The following SMOC2 variants were observed in gnomAD, a reference collection of about 807,000 sequenced individuals.
The protein encoded by SMOC2 is SPARC-related modular calcium-binding protein 2.
Under a neutral mutation model 61.4 loss-of-function variants are expected in SMOC2, and 39 were observed. That is an observed-to-expected ratio of 0.64 (90% CI 0.49 to 0.83). The LOEUF is 0.83. SMOC2 is among the 40% of genes least tolerant of loss of function. SMOC2 has a pLI of 0.00. For missense variants in SMOC2, 556 were observed against 592.9 expected (o/e 0.94, Z 0.65); for synonymous variants, 247 against 239.9 (o/e 1.03, Z -0.27).
intron 12 of SMOC2, chr6:168,664,557 T>C: frequency 5.2e-6 from 2 of 383,730 alleles, no homozygotes; most frequent in South Asian, 4.0e-5. Context: ...ATTTGGTTCC[T>C]CCATTTTGTC....
chr6:168,508,060 G>A (rs1432621104), intron 1 of SMOC2, among the ~76,000 whole-genome samples: 1 of 152,088 alleles, frequency 6.6e-6, no homozygotes. Flanking sequence ...TGAGGACCCC[G>A]CCTGGATTTC....
intron 1 of SMOC2, among the ~76,000 whole-genome samples, chr6:168,509,061 C>T (rs184049863): frequency 4.9e-4 from 74 of 152,236 alleles, no homozygotes; most frequent in African/African-American, 1.5e-3. Flanking sequence ...ACTAGTTGGC[C>T]GGTCAGGAAG....
Position 168,646,476 on chromosome 6 carries a change from A to G in SMOC2, c.908-4205A>G, listed in dbSNP as rs186591351. ...ACTGAGGGAGCAGCTGGGAACTTGT[A>G]TCCATTTGTATTTAAAAGACAAAGA... On this transcript the variant is annotated intron_variant, in intron 9 of 12. Coordinates refer to ENST00000356284, the MANE Select transcript of SMOC2 (RefSeq NM_001166412.2). 5.9e-5 allele frequency among the ~76,000 whole-genome samples: 9 copies of G among 152,342 alleles called. No individual in the cohort carries two copies. The East Asian group carries it at 1.7e-3, about 29-fold the overall frequency.
intron 9 of SMOC2, among the ~76,000 whole-genome samples, chr6:168,632,401 C>G (rs537876479): frequency 1.3e-5 from 2 of 152,264 alleles, no homozygotes; most frequent in Admixed American, 1.3e-4. Flanking sequence ...AACCAGAAAC[C>G]GTGTATGAAA....
At position 168,653,222 on chromosome 6, in the gene SMOC2, C is replaced by G; in HGVS notation, c.1279C>G (p.Arg427Gly). 2 of 1,612,378 alleles carry G rather than the reference C, an allele frequency of 1.2e-6. No individual in the cohort carries two copies. Among genetic ancestry groups the G allele is most frequent in the Non-Finnish European group, 1.7e-6 (2 of 1,179,048 alleles). ...KEDGKADTKK[R>G]HTPRGHAEST... ...GGACGGCAAAGCGGACACCAAGAAA[C>G]GCCACAGTAAGAGCTTTCCCACCCC... The change falls in exon 11 of 13, where the codon CGC becomes GGC. Residue 427 changes from arginine to glycine, a missense_variant. Transcript: ENST00000356284.
intron 1 of SMOC2, among the ~76,000 whole-genome samples, chr6:168,483,096 C>T (rs988151313): frequency 1.3e-5 from 2 of 151,830 alleles, no homozygotes; most frequent in Admixed American, 6.6e-5. Context: ...GAAAGGAAGG[C>T]ATACACATTG....
At chr6:168,474,681 G>A (rs1015453748) in intron 1 of SMOC2, among the ~76,000 whole-genome samples, 1 of 152,144 alleles carries the variant, frequency 6.6e-6, no homozygotes, top group African/African-American at 2.4e-5. Context: ...AGCTGCGCAG[G>A]CTGTGCACTG....
At chr6:168,663,303 C>G (rs1489770334) in intron 11 of SMOC2, among the ~76,000 whole-genome samples, 1 of 152,130 alleles carries the variant, frequency 6.6e-6, no homozygotes, top group African/African-American at 2.4e-5. Flanking sequence ...AGGAGACGGA[C>G]AGCACAGCTC....
intron 10 of SMOC2, among the ~76,000 whole-genome samples, chr6:168,651,533 A>G (rs553401626): frequency 7.9e-5 from 12 of 152,222 alleles, no homozygotes; most frequent in African/African-American, 2.4e-4. Flanking sequence ...TAAAGTTTTG[A>G]TGGAGATTTC....
chr6:168,589,105 T>C lies in SMOC2; in HGVS notation c.638-9713T>C, dbSNP rs541615547. Reference sequence around the variant, plus strand: ...AAAAAAAAAAAAAAAAAGGAGTAAATAAGAAGATGGGAGTAAACAGAAAAT... The same window carrying C: ...AAAAAAAAAAAAAAAAAGGAGTAAACAAGAAGATGGGAGTAAACAGAAAAT... On this transcript the variant is annotated intron_variant, in intron 7 of 12. Coordinates refer to ENST00000356284, the MANE Select transcript of SMOC2 (RefSeq NM_001166412.2). Among the ~76,000 whole-genome samples, 211 of 129,468 alleles carry C rather than the reference T, an allele frequency of 1.6e-3. 1 individual carries two copies. The highest frequency in any genetic ancestry group is 5.7e-3 in the African/African-American group (193 of 33,724). 84.9% of individuals were successfully genotyped at this position (129,468 alleles called of 152,430 possible). A position where few individuals can be genotyped will look rare whatever the true frequency, so the allele number is the denominator to read the frequency against.
At chr6:168,637,964 C>G (rs377747313) in intron 9 of SMOC2, among the ~76,000 whole-genome samples, 4 of 151,972 alleles carry the variant, frequency 2.6e-5, no homozygotes, top group East Asian at 3.9e-4. Flanking sequence ...GGGAGCCAGG[C>G]GTGCCCCTGC....
At chr6:168,540,028 T>C (rs1228819858) in intron 4 of SMOC2, among the ~76,000 whole-genome samples, 2 of 152,202 alleles carry the variant, frequency 1.3e-5, no homozygotes, top group Admixed American at 1.3e-4. Flanking sequence ...GTGAAGGACA[T>C]AGCAGGGATT....
intron 1 of SMOC2, among the ~76,000 whole-genome samples, chr6:168,497,619 C>T (rs564601269): frequency 6.6e-6 from 1 of 152,290 alleles, no homozygotes; most frequent in South Asian, 2.1e-4. Context: ...GCCCCCGGAA[C>T]GTACCGTTCT....
At chr6:168,569,237 T>A (rs552447837) in intron 7 of SMOC2, among the ~76,000 whole-genome samples, 2 of 152,212 alleles carry the variant, frequency 1.3e-5, no homozygotes, top group African/African-American at 4.8e-5. Context: ...TAGGTTTGCA[T>A]TGGTGTCTCA....
intron 1 of SMOC2, 116 bp downstream of exon 1, chr6:168,441,570 G>C: frequency 7.7e-7 from 1 of 1,306,766 alleles, no homozygotes. Context: ...GGAGCAGGTG[G>C]CCCCGGGGGC....
At chr6:168,530,569 A>T (rs1224744979) in intron 4 of SMOC2, among the ~76,000 whole-genome samples, 1 of 151,882 alleles carries the variant, frequency 6.6e-6, no homozygotes, top group Non-Finnish European at 1.5e-5. Flanking sequence ...TTAAAGTCAC[A>T]ATTAAAGTCA....
At chr6:168,614,254 C>T (rs1785984633) in intron 9 of SMOC2, among the ~76,000 whole-genome samples, 1 of 73,880 alleles carries the variant, frequency 1.4e-5, no homozygotes, top group Non-Finnish European at 2.7e-5. Context: ...CACCTACAGC[C>T]AGCACAGGGC....
In SMOC2 at chr6:168,562,697, G is replaced by A. The variant is rs116608501; in HGVS notation, c.637+13494G>A. ...CGCATCCGGGGTTATCAGGTAGGAC[G>A]GCTTAAAATGGTGAAAGAAATGCAC... On this transcript the variant is annotated intron_variant, in intron 7 of 12. Transcript: ENST00000356284. 6.0e-3 allele frequency among the ~76,000 whole-genome samples: 911 copies of A among 152,288 alleles called. 9 individuals are homozygous for A. Among genetic ancestry groups the A allele is most frequent in the African/African-American group, 0.021 (870 of 41,548 alleles).
At chr6:168,518,142 G>A (rs1206249167) in intron 2 of SMOC2, among the ~76,000 whole-genome samples, 2 of 152,200 alleles carry the variant, frequency 1.3e-5, no homozygotes, top group East Asian at 1.9e-4. Context: ...AGCGGGAGTC[G>A]CGACGTCCCC....
Sources: allele counts gnomAD v4.1 joint callset (sites outside exome capture counted in the v4.1 genomes callset), GRCh38; gene constraint gnomAD v4.1.1; transcripts MANE v1.5; gene names NCBI Gene and HGNC (gene_info 2026-07-23, HGNC 2026-07-21).